MEGF9: variants seen among roughly 807,000 people sequenced by gnomAD.
MEGF9 encodes the protein multiple EGF like domains 9, also known as multiple epidermal growth factor-like domains protein 9.
MEGF9 carries 6 observed loss-of-function variants against 46.8 expected under a neutral mutation model. The observed-to-expected ratio is 0.13, with a 90% CI of 0.07 to 0.25. The LOEUF is 0.25. MEGF9 is among the 10% of genes least tolerant of loss of function. The probability of loss-of-function intolerance (pLI) is 1.00; values close to 1 mark genes in which losing one functional copy is unlikely to be tolerated. For synonymous variants in MEGF9, 302 were observed against 330.7 expected, an observed-to-expected ratio of 0.91 and a Z score of 0.94; for missense variants, 683 against 792.4, an observed-to-expected ratio of 0.86 and a Z score of 1.66.
At chr9:120,670,738 T>A (rs1469602613) in intron 1 of MEGF9, among the ~76,000 whole-genome samples, 4 of 152,044 alleles carry the variant, frequency 2.6e-5, no homozygotes, top group African/African-American at 9.7e-5. Flanking sequence ...GACCAAACAA[T>A]CCCTCCAACT....
At chr9:120,708,371 A>C (rs1313936710) in intron 1 of MEGF9, among the ~76,000 whole-genome samples, 1 of 152,222 alleles carries the variant, frequency 6.6e-6, no homozygotes, top group Non-Finnish European at 1.5e-5. Flanking sequence ...CTCCAAAAAC[A>C]AAACAAAACA....
chr9:120,676,024 G>A (rs1421112212), intron 1 of MEGF9, among the ~76,000 whole-genome samples: 1 of 150,422 alleles, frequency 6.6e-6, no homozygotes, highest in Admixed American at 6.6e-5. Context: ...AGTTACTAAT[G>A]TTTCCACCTA....
intron 3 of MEGF9, among the ~76,000 whole-genome samples, chr9:120,615,200 T>C (rs1027076648): frequency 6.6e-6 from 1 of 151,532 alleles, no homozygotes; most frequent in African/African-American, 2.4e-5. Flanking sequence ...GATCACACAA[T>C]TGCAATCCAG....
intron 2 of MEGF9, among the ~76,000 whole-genome samples, chr9:120,646,585 T>C (rs2043627284): frequency 6.6e-6 from 1 of 152,194 alleles, no homozygotes; most frequent in Admixed American, 6.5e-5. Flanking sequence ...AGCTCTGAGT[T>C]TTCCAGCTAT....
At chr9:120,694,370 T>C (rs554255414) in intron 1 of MEGF9, among the ~76,000 whole-genome samples, 4 of 152,346 alleles carry the variant, frequency 2.6e-5, no homozygotes, top group African/African-American at 9.6e-5. Context: ...GGATTAGAGG[T>C]AATGAAGAAT....
chr9:120,673,489 C>A (rs2043759154), intron 1 of MEGF9, among the ~76,000 whole-genome samples: 1 of 151,378 alleles, frequency 6.6e-6, no homozygotes, highest in South Asian at 2.1e-4. Context: ...TACACAAAAG[C>A]CAATGGAATA....
intron 1 of MEGF9, among the ~76,000 whole-genome samples, chr9:120,685,989 T>G (rs1168376248): frequency 6.6e-6 from 1 of 152,158 alleles, no homozygotes; most frequent in East Asian, 1.9e-4. Flanking sequence ...TACTCCATGA[T>G]TCCACTTATG....
chr9:120,657,403 T>C (rs114044636), intron 2 of MEGF9, among the ~76,000 whole-genome samples: 1 of 152,372 alleles, frequency 6.6e-6, no homozygotes, highest in African/African-American at 2.4e-5. Context: ...AGTAAGATAG[T>C]ACATAAATAT....
chr9:120,689,654 C>T (rs556283126), intron 1 of MEGF9, among the ~76,000 whole-genome samples: 77 of 152,228 alleles, frequency 5.1e-4, no homozygotes, highest in Non-Finnish European at 9.6e-4. Flanking sequence ...AGATGGTAGG[C>T]TCATATCCTA....
At chr9:120,660,359 G>T (rs934393871) in intron 1 of MEGF9, among the ~76,000 whole-genome samples, 2 of 151,980 alleles carry the variant, frequency 1.3e-5, no homozygotes, top group African/African-American at 2.4e-5. Flanking sequence ...CAGGATAAAC[G>T]GTGTGTCCAT....
At chr9:120,694,231 T>C (rs2043864285) in intron 1 of MEGF9, among the ~76,000 whole-genome samples, 2 of 152,228 alleles carry the variant, frequency 1.3e-5, no homozygotes, top group Admixed American at 1.3e-4. Flanking sequence ...AGAAATAAGA[T>C]AGATCTGGGT....
chr9:120,700,878 C>T (rs1159589428), intron 1 of MEGF9, among the ~76,000 whole-genome samples: 1 of 151,674 alleles, frequency 6.6e-6, no homozygotes, highest in Non-Finnish European at 1.5e-5. Flanking sequence ...CCCAGGAATT[C>T]GAGACCAGCC....
At chr9:120,675,025 C>T (rs573273771) in intron 1 of MEGF9, among the ~76,000 whole-genome samples, 5 of 152,188 alleles carry the variant, frequency 3.3e-5, no homozygotes, top group South Asian at 2.1e-4. Context: ...ACCACAGGCA[C>T]CAGCCATCAT....
intron 5 of MEGF9, among the ~76,000 whole-genome samples, chr9:120,606,444 AT>A (rs2043420800): frequency 6.6e-6 from 1 of 152,116 alleles, no homozygotes; most frequent in African/African-American, 2.4e-5. Flanking sequence ...TGAAAAACAA[AT>A]TTTAAATGTC....
intron 1 of MEGF9, among the ~76,000 whole-genome samples, chr9:120,700,622 A>G (rs979116761): frequency 3.9e-5 from 6 of 152,182 alleles, no homozygotes; most frequent in Admixed American, 3.9e-4. Context: ...ATATATTGGA[A>G]TGCAAGTCCT....
intron 2 of MEGF9, among the ~76,000 whole-genome samples, chr9:120,639,508 T>TAA (rs61638928): frequency 0.011 from 1,173 of 105,150 alleles, 38 homozygotes; most frequent in African/African-American, 0.042. Context: ...ACTCCGTCTT[T>TAA]AAAAAAAAAA....
intron 1 of MEGF9, among the ~76,000 whole-genome samples, chr9:120,701,097 T>C (rs2043902730): frequency 1.3e-5 from 2 of 149,402 alleles, no homozygotes; most frequent in East Asian, 3.9e-4. Context: ...CCAGGCTGGG[T>C]GACAGAGTGT....
chr9:120,686,681 A>G (rs1342756380), intron 1 of MEGF9, among the ~76,000 whole-genome samples: 2 of 152,254 alleles, frequency 1.3e-5, no homozygotes, highest in Non-Finnish European at 2.9e-5. Context: ...AACTGAAGCT[A>G]GGAGTAGTAC....
intron 1 of MEGF9, chr9:120,690,011 C>A: frequency 1.9e-6 from 1 of 524,228 alleles, no homozygotes; most frequent in Non-Finnish European, 3.9e-6. Flanking sequence ...TAAACAAAGA[C>A]AGACAATGAG....
Sources: allele counts gnomAD v4.1 joint callset (sites outside exome capture counted in the v4.1 genomes callset), GRCh38; gene constraint gnomAD v4.1.1; transcripts MANE v1.5; gene names NCBI Gene and HGNC (gene_info 2026-07-23, HGNC 2026-07-21).